NECTIN3: variants seen among roughly 807,000 people sequenced by gnomAD.
The protein encoded by NECTIN3 is nectin-3.
NECTIN3 carries 8 observed loss-of-function variants against 49.4 expected under a neutral mutation model. That is an observed-to-expected ratio of 0.16 (90% CI 0.10 to 0.29). The LOEUF is 0.29. Among genes scored for constraint, NECTIN3 ranks in the 10% least tolerant of loss-of-function variants. The probability of loss-of-function intolerance (pLI) is 1.00; values close to 1 mark genes in which losing one functional copy is unlikely to be tolerated. For synonymous variants in NECTIN3, 277 were observed against 241.1 expected, an observed-to-expected ratio of 1.15 and a Z score of -1.38; for missense variants, 581 against 654.6, an observed-to-expected ratio of 0.89 and a Z score of 1.23.
chr3:111,153,816 T>C (rs1043996340), intron 7 of NECTIN3, among the ~76,000 whole-genome samples: 5 of 152,112 alleles, frequency 3.3e-5, no homozygotes, highest in Non-Finnish European at 7.4e-5. Context: ...GTTTAGTTTT[T>C]TTTCTTTGTC....
chr3:111,111,927 G>A, intron 1 of NECTIN3, 103 bp from the exon 2 acceptor site: 2 of 578,024 alleles, frequency 3.5e-6, no homozygotes, highest in Non-Finnish European at 6.1e-6. Context: ...GTGTGTGTGT[G>A]TGTGTGTAGC....
At chr3:111,125,350 AAAAC>A (rs139918526) in intron 4 of NECTIN3, among the ~76,000 whole-genome samples, 4,160 of 152,018 alleles carry the variant, frequency 0.027, 204 homozygotes, top group African/African-American at 0.095. Context: ...AAAAAAACCA[AAAAC>A]AAACAAACAA....
intron 7 of NECTIN3, among the ~76,000 whole-genome samples, chr3:111,159,621 G>A (rs934276685): frequency 6.6e-6 from 1 of 152,058 alleles, no homozygotes; most frequent in Non-Finnish European, 1.5e-5. Context: ...ACCATTTGAG[G>A]TCTCAAAGCT....
chr3:111,074,070 C>T (rs895180597), intron 1 of NECTIN3: 2 of 350,624 alleles, frequency 5.7e-6, no homozygotes, highest in African/African-American at 4.3e-5. Flanking sequence ...GTTTTGTATT[C>T]CTGTGTGCTA....
At chr3:111,176,694 G>A (rs2035535723) in intron 7 of NECTIN3, among the ~76,000 whole-genome samples, 1 of 151,302 alleles carries the variant, frequency 6.6e-6, no homozygotes, top group Admixed American at 6.6e-5. Context: ...CTGGGAAAAT[G>A]TTGAAAAATA....
intron 1 of NECTIN3, among the ~76,000 whole-genome samples, chr3:111,081,437 T>C (rs1385239162): frequency 6.6e-6 from 1 of 152,246 alleles, no homozygotes; most frequent in Non-Finnish European, 1.5e-5. Flanking sequence ...GATGTCTTTC[T>C]CTGTGTATGT....
At chr3:111,142,516 A>G (rs996072140), downstream of NECTIN3, among the ~76,000 whole-genome samples, 22 of 151,884 alleles carry the variant, frequency 1.4e-4, no homozygotes, top group African/African-American at 4.1e-4. Context: ...GTGTGACAAA[A>G]TTGGATAGAT....
chr3:111,137,657 A>G (rs572661729), downstream of NECTIN3: 23 of 231,444 alleles, frequency 9.9e-5, no homozygotes, highest in East Asian at 3.7e-3. Flanking sequence ...GTTTATTTTA[A>G]TTATCAAAAT....
Position 111,110,380 on chromosome 3 carries a change from T to G in NECTIN3, c.161-1650T>G, listed in dbSNP as rs1030780687. ...TCTTTTTAAATCAGATAGTAAATGG[T>G]AAGTTTTATTAAATACCTTTTTAAC... On this transcript the variant is annotated intron_variant, in intron 1 of 5. Coordinates refer to ENST00000485303, the MANE Select transcript of NECTIN3 (RefSeq NM_015480.3). Among the ~76,000 whole-genome samples the G allele has an allele frequency of 7.2e-5, 11 of 152,186 alleles. No individual in the cohort carries two copies. In the South Asian group the frequency reaches 2.1e-3, roughly 29 times the overall value.
intron 1 of NECTIN3, among the ~76,000 whole-genome samples, chr3:111,086,880 G>C (rs2107379263): frequency 6.6e-6 from 1 of 151,926 alleles, no homozygotes; most frequent in Non-Finnish European, 1.5e-5. Flanking sequence ...TATTTATTGA[G>C]GTTTTCCTTA....
intron 1 of NECTIN3, among the ~76,000 whole-genome samples, chr3:111,111,246 T>C (rs946457016): frequency 3.3e-5 from 5 of 152,210 alleles, no homozygotes; most frequent in Admixed American, 1.3e-4. Context: ...TTGTAAGTTT[T>C]GCTCTATTGC....
At chr3:111,104,408 C>T (rs2033074384) in intron 1 of NECTIN3, among the ~76,000 whole-genome samples, 1 of 148,012 alleles carries the variant, frequency 6.8e-6, no homozygotes, top group Non-Finnish European at 1.5e-5. Context: ...GCAGCCTTGA[C>T]CTTCTAGGCT....
chr3:111,144,998 T>A, exon 6 of NECTIN3: 1 of 1,536,592 alleles, frequency 6.5e-7, no homozygotes, highest in African/African-American at 1.4e-5. Flanking sequence ...ACTGTGCTGC[T>A]GACTCCTCGA....
rs2034552696 is a variant in NECTIN3 at position 111,135,727 on chromosome 3, A to G, written c.*1512A>G. 4 of 961,074 alleles carry G rather than the reference A, an allele frequency of 4.2e-6. No homozygotes were observed. Among genetic ancestry groups the G allele is most frequent in the Non-Finnish European group, 5.0e-6 (4 of 808,066 alleles). 59.5% of individuals were successfully genotyped at this position (961,074 alleles called of 1,614,324 possible). On this transcript the variant is annotated 3_prime_UTR_variant, in exon 6 of 6. Transcript: ENST00000485303. ...CCAGCCCTTTCTCAATATTCATCAA[A>G]TCTAAAACATTTAGGGGGCAAAATT...
chr3:111,152,110 T>A (rs1459486706), intron 7 of NECTIN3, among the ~76,000 whole-genome samples: 1 of 151,958 alleles, frequency 6.6e-6, no homozygotes, highest in East Asian at 1.9e-4. Context: ...ATCTTTTTTA[T>A]GTCTACGTAG....
rs1223173987 is a variant in NECTIN3, at chr3:111,135,923, A to AT, written c.*1709dup. On this transcript the variant is annotated 3_prime_UTR_variant, in exon 6 of 6. Coordinates refer to ENST00000485303, the MANE Select transcript of NECTIN3 (RefSeq NM_015480.3). ...CTGTAGTATCAGGTTAAGGATACAGATAAATAAAGTTCACTTATATCTTCT... is the reference window on the plus strand; with the variant it reads ...CTGTAGTATCAGGTTAAGGATACAGATTAAATAAAGTTCACTTATATCTTCT... 1 of 919,160 alleles carries AT rather than the reference A, an allele frequency of 1.1e-6. No homozygotes were observed. The highest frequency in any genetic ancestry group is 1.8e-5 in the African/African-American group (1 of 54,830). The allele number at this position is 919,160 out of a possible 1,614,324, so 56.9% of individuals were successfully genotyped here.
intron 1 of NECTIN3, among the ~76,000 whole-genome samples, chr3:111,104,035 A>G (rs2033050492): frequency 6.6e-6 from 1 of 152,212 alleles, no homozygotes; most frequent in South Asian, 2.1e-4. Flanking sequence ...GCAAAGACAC[A>G]GGAATGATAT....
chr3:111,185,176 C>T (rs1214963522), intron 7 of NECTIN3, among the ~76,000 whole-genome samples: 1 of 152,100 alleles, frequency 6.6e-6, no homozygotes, highest in Non-Finnish European at 1.5e-5. Context: ...GACCCTGTTC[C>T]ACAGATTTCA....
At chr3:111,178,430 A>G (rs1576182496) in intron 7 of NECTIN3, among the ~76,000 whole-genome samples, 1 of 152,184 alleles carries the variant, frequency 6.6e-6, no homozygotes, top group African/African-American at 2.4e-5. Flanking sequence ...ACTCAAAAAG[A>G]GAGGGGAAAT....
Sources: gnomAD v4.1 joint callset for allele counts (sites outside exome capture counted in the v4.1 genomes callset) on GRCh38, gnomAD v4.1.1 for gene constraint, MANE v1.5 for transcripts, NCBI Gene and HGNC (gene_info 2026-07-23, HGNC 2026-07-21) for gene names.